Variants in SLC5A9 observed in about 807,000 individuals in gnomAD.
SLC5A9 encodes sodium/glucose cotransporter 4.
A neutral mutation model predicts 70.9 loss-of-function variants in SLC5A9; 59 were observed. That is an observed-to-expected ratio of 0.83 (90% CI 0.68 to 1.03). SLC5A9 has a LOEUF of 1.03. SLC5A9 is among the 50% of genes least tolerant of loss of function. The probability of loss-of-function intolerance (pLI) is 0.00; values close to 1 mark genes in which losing one functional copy is unlikely to be tolerated. For missense variants in SLC5A9, 832 were observed against 881.1 expected (o/e 0.94, Z 0.71); for synonymous variants, 340 against 346.5 (o/e 0.98, Z 0.21).
At position 48,235,773 on chromosome 1, in the gene SLC5A9, A is replaced by G. The variant is rs1644317444; in HGVS notation, c.1186A>G (p.Ser396Gly). The stretch of plus-strand genomic sequence containing the variant: ...TGCCGTGATCATGGCCGCTCTCATG[A>G]GCTCACTCACCTCCATCTTCAACAG... ...MIAVIMAALM[S>G]SLTSIFNSSS... Residue 396 changes from serine (S) to glycine (G), a missense_variant, in exon 10 of 14, where the codon AGC (serine) becomes GGC (glycine). Coordinates refer to ENST00000438567, the MANE Select transcript of SLC5A9 (RefSeq NM_001011547.3). 1 of 1,613,954 alleles carries G rather than the reference A, an allele frequency of 6.2e-7. No individual in the cohort carries two copies. The highest frequency in any genetic ancestry group is 1.3e-5 in the African/African-American group (1 of 74,894).
At chr1:48,225,878 TCACA>T (rs1322789933) in intron 2 of SLC5A9, among the ~76,000 whole-genome samples, 1 of 151,952 alleles carries the variant, frequency 6.6e-6, no homozygotes, top group Admixed American at 6.6e-5. Context: ...ACACTCAGAC[TCACA>T]CATTCATGCG....
At chr1:48,224,909 C>T (rs1242978027) in intron 2 of SLC5A9, 114 bp downstream of exon 2, 2 of 1,051,094 alleles carry the variant, frequency 1.9e-6, no homozygotes, top group Non-Finnish European at 2.9e-6. Flanking sequence ...AAGACCTCCC[C>T]GTTGTGTTTC....
chr1:48,237,596 C>T (rs531851186), intron 10 of SLC5A9, 83 bp from the exon 11 acceptor site: 1 of 1,372,402 alleles, frequency 7.3e-7, no homozygotes, highest in East Asian at 2.4e-5. Flanking sequence ...TTTCTCCCTT[C>T]CTGGTTCCTG....
Position 48,227,455 on chromosome 1 carries a change from AGAGT to A in SLC5A9, c.235-1393_235-1390del, listed in dbSNP as rs1401500267. On this transcript the variant is annotated intron_variant, in intron 2 of 13. Coordinates refer to ENST00000438567, the MANE Select transcript of SLC5A9 (RefSeq NM_001011547.3). ...GAGTGTGTGTGTGTGTATGTGTGAGAGAGTGTGTGTACTGTGCCTGTGTGGGCGT... is the reference window on the plus strand; with the variant it reads ...GAGTGTGTGTGTGTGTATGTGTGAGAGTGTGTACTGTGCCTGTGTGGGCGT... 7.8e-5 allele frequency among the ~76,000 whole-genome samples: 7 copies of A among 90,214 alleles called. 1 individual carries two copies. The highest frequency in any genetic ancestry group is 2.3e-4 in the African/African-American group (5 of 21,886). 59.2% of individuals were successfully genotyped at this position (90,214 alleles called of 152,430 possible).
rs769871897 is a variant in SLC5A9 at position 48,242,584 on chromosome 1, A to G, written c.1805A>G (p.Glu602Gly). The change falls in exon 13 of 14, where the codon GAG (glutamate) becomes GGG (glycine). Residue 602 changes from glutamate to glycine, a missense_variant. Coordinates refer to ENST00000438567, the MANE Select transcript of SLC5A9 (RefSeq NM_001011547.3). ...TGCCCTGCAGGAGGTGGAGCGGCAG[A>G]GAACTCGAGCCTGGGCCAGGAGCAG... Reference protein sequence around the residue: ...GECPAGGGAAENSSLGQEQPE... With the variant: ...GECPAGGGAAGNSSLGQEQPE... 2 of 1,612,688 alleles carry G rather than the reference A, an allele frequency of 1.2e-6. No homozygotes were observed. The highest frequency in any genetic ancestry group is 1.7e-6 in the Non-Finnish European group (2 of 1,179,512).
In SLC5A9 at chr1:48,224,769, G is replaced by A; in HGVS notation, c.208G>A (p.Ala70Thr). The part of the protein sequence containing the change: ...SRGTIGGYFL[A>T]GRSMSWWPIG... ...AGGGACCATTGGCGGCTATTTCCTG[G>A]CCGGGAGGTCCATGAGCTGGTGGCC... Residue 70 changes from alanine to threonine, a missense_variant, in exon 2 of 14, where the codon GCC (alanine) becomes ACC (threonine). By Grantham distance (58) the Ala-to-Thr change is moderately conservative. Transcript: ENST00000438567. The A allele has an allele frequency of 1.9e-6, 3 of 1,614,048 alleles. No homozygotes were observed. The highest frequency in any genetic ancestry group is 2.5e-6 in the Non-Finnish European group (3 of 1,180,002).
At chr1:48,242,203 C>A in intron 12 of SLC5A9, 1 of 519,006 alleles carries the variant, frequency 1.9e-6, no homozygotes, top group Non-Finnish European at 3.5e-6. Flanking sequence ...GGACAGGGCC[C>A]AGGTGTGTTT....
intron 4 of SLC5A9, among the ~76,000 whole-genome samples, chr1:48,230,355 G>A (rs1405971048): frequency 6.6e-6 from 1 of 152,202 alleles, no homozygotes; most frequent in East Asian, 1.9e-4. Flanking sequence ...CAGCAGACCA[G>A]CTACGTGATT....
In SLC5A9 at chr1:48,228,897, C is replaced by T. The variant is rs760758292; in HGVS notation, c.282C>T (p.Ile94=). Residue 94 remains isoleucine, a synonymous_variant, in exon 3 of 14, where the codon ATC becomes ATT. Transcript: ENST00000438567. ...MSSNVGSGLF[I]GLAGTGAAGG... ...GCAATGTGGGCAGTGGCTTGTTCAT[C>T]GGCCTGGCTGGGACAGGGGCTGCCG... 2.5e-5 allele frequency: 40 copies of T among 1,613,628 alleles called. No individual in the cohort carries two copies. The highest frequency in any genetic ancestry group is 1.2e-4 in the African/African-American group (9 of 74,910).
chr1:48,229,009 C>T, intron 3 of SLC5A9, 55 bp downstream of exon 3: 1 of 1,613,312 alleles, frequency 6.2e-7, no homozygotes, highest in Non-Finnish European at 8.5e-7. Flanking sequence ...CCACCTCTGT[C>T]TCTGGCATTA....
In SLC5A9 at chr1:48,242,450, C is replaced by T; in HGVS notation, c.1678-7C>T. ...GCAACTGACTCCAGTGTCTTCTTTC[C>T]CTCCAGCTCACACGCCTCACATGGT... is the stretch of plus-strand genomic sequence containing the variant. On this transcript the variant is annotated splice_polypyrimidine_tract_variant and splice_region_variant and intron_variant, in intron 12 of 13. Coordinates refer to ENST00000438567, the MANE Select transcript of SLC5A9 (RefSeq NM_001011547.3). 1.3e-6 allele frequency: 2 copies of T among 1,585,130 alleles called. No individual in the cohort carries two copies. The highest frequency in any genetic ancestry group is 1.7e-6 in the Non-Finnish European group (2 of 1,163,680).
chr1:48,239,602 C>A lies in SLC5A9; in HGVS notation c.1677+65C>A. 2.1e-6 allele frequency: 3 copies of A among 1,460,346 alleles called. No homozygotes were observed. Among genetic ancestry groups the A allele is most frequent in the Non-Finnish European group, 2.9e-6 (3 of 1,044,046 alleles). The allele number at this position is 1,460,346 out of a possible 1,614,324, so 90.5% of individuals were successfully genotyped here. A position where few individuals can be genotyped will look rare whatever the true frequency, so the allele number is the denominator to read the frequency against. On this transcript the variant is annotated intron_variant, in intron 12 of 13. Coordinates refer to ENST00000438567, the MANE Select transcript of SLC5A9 (RefSeq NM_001011547.3). The surrounding 1 kb of genome is among the most constrained non-coding windows in gnomAD (Gnocchi z 4.2). Reference sequence around the variant, plus strand: ...CTCCCTTCCCCCATAGCCTAGAATTCCACTGCTGACTTTTACTCTGTTGGG... The same window carrying A: ...CTCCCTTCCCCCATAGCCTAGAATTACACTGCTGACTTTTACTCTGTTGGG...
Position 48,222,763 on chromosome 1 carries a change from G to A in SLC5A9, c.27G>A (p.Gly9=). The A allele has an allele frequency of 2.5e-6, 4 of 1,614,166 alleles. No individual in the cohort carries two copies. Among genetic ancestry groups the A allele is most frequent in the Non-Finnish European group, 2.5e-6 (3 of 1,180,030 alleles). Residue 9 remains glycine, a synonymous_variant, in exon 1 of 14, where the codon GGG becomes GGA. Coordinates refer to ENST00000438567, the MANE Select transcript of SLC5A9 (RefSeq NM_001011547.3). ...TGAGCAAGGAGCTGGCAGCAATGGG[G>A]CCTGGAGCTTCAGGGGACGGGGTCA... MSKELAAM[G]PGASGDGVRT... is the part of the protein sequence containing the mutation.
chr1:48,226,446 C>T (rs1300384155), intron 2 of SLC5A9, among the ~76,000 whole-genome samples: 2 of 152,166 alleles, frequency 1.3e-5, no homozygotes, highest in East Asian at 3.9e-4. Flanking sequence ...AGAGCAGGCA[C>T]CCAGTGGGAA....
At chr1:48,227,014 CTG>C (rs910216556) in intron 2 of SLC5A9, among the ~76,000 whole-genome samples, 6 of 151,492 alleles carry the variant, frequency 4.0e-5, no homozygotes, top group East Asian at 2.0e-4. Flanking sequence ...AATGTGGGCA[CTG>C]TGTGTGTGCA....
intron 12 of SLC5A9, among the ~76,000 whole-genome samples, chr1:48,241,727 T>TC: frequency 1.3e-5 from 2 of 151,448 alleles, no homozygotes; most frequent in South Asian, 2.1e-4. Context: ...TCTCTCTCTC[T>TC]TTCTCTATCT....
intron 10 of SLC5A9, among the ~76,000 whole-genome samples, chr1:48,236,647 G>C (rs114308248): frequency 2.1e-3 from 317 of 152,318 alleles, no homozygotes; most frequent in African/African-American, 6.9e-3. Context: ...CTGGACTAAA[G>C]TTCTCCCACT....
intron 11 of SLC5A9, among the ~76,000 whole-genome samples, chr1:48,238,230 G>A (rs1482785678): frequency 6.6e-6 from 1 of 152,184 alleles, no homozygotes; most frequent in Non-Finnish European, 1.5e-5. Flanking sequence ...GAGGCCTGAA[G>A]GATTAATGAG....
chr1:48,229,728 C>A (rs981952270), intron 4 of SLC5A9, among the ~76,000 whole-genome samples: 21 of 152,178 alleles, frequency 1.4e-4, no homozygotes, highest in Admixed American at 1.2e-3. Flanking sequence ...TTAATGGATT[C>A]TTTGTTCATC....
Sources: allele counts gnomAD v4.1 joint callset (sites outside exome capture counted in the v4.1 genomes callset), GRCh38; gene constraint gnomAD v4.1.1; non-coding constraint Gnocchi (gnomAD v3.1); transcripts MANE v1.5; gene names NCBI Gene and HGNC (gene_info 2026-07-23, HGNC 2026-07-21).